Variants in TGM6 observed in about 807,000 individuals in gnomAD.
TGM6 encodes transglutaminase 6, also known as protein-glutamine gamma-glutamyltransferase 6.
In TGM6, 74 loss-of-function variants were observed where a neutral mutation model predicts 77.5. That is an observed-to-expected ratio of 0.96 (90% CI 0.79 to 1.16). The LOEUF (loss-of-function observed/expected upper bound fraction) is 1.16. Ranked by LOEUF, TGM6 falls within the 50% of genes most tolerant of loss-of-function variation. The probability of loss-of-function intolerance (pLI) is 0.00; values close to 1 mark genes in which losing one functional copy is unlikely to be tolerated. For synonymous variants in TGM6, 383 were observed against 378.9 expected (o/e 1.01, Z -0.12); for missense variants, 968 against 940.2 (o/e 1.03, Z -0.39).
In TGM6 at chr20:2,403,483, C is replaced by T. The variant is rs201024326; in HGVS notation, c.1076C>T (p.Pro359Leu). ...GGCTGGCAGGTTCTGGATGCCACCC[C>T]CCAGGAGGAGAGTGAAGGTACGCTC... is the stretch of plus-strand genomic sequence containing the variant. The part of the protein sequence containing the change: ...YNGWQVLDAT[P>L]QEESEGVFRC... The change falls in exon 8 of 13, where the codon CCC (proline) becomes CTC (leucine). Residue 359 changes from proline (P) to leucine (L), a missense_variant. Pro to Leu is a moderately conservative substitution (Grantham distance 98). Coordinates refer to ENST00000202625, the MANE Select transcript of TGM6 (RefSeq NM_198994.3). The T allele has an allele frequency of 6.7e-5, 108 of 1,614,034 alleles. No homozygotes were observed. Among genetic ancestry groups the T allele is most frequent in the South Asian group, 5.6e-4 (51 of 91,078 alleles).
Sources: allele counts gnomAD v4.1 joint callset, GRCh38; gene constraint gnomAD v4.1.1; transcripts MANE v1.5; gene names NCBI Gene and HGNC (gene_info 2026-07-23, HGNC 2026-07-21).